SFSWAP: variants seen among roughly 807,000 people sequenced by gnomAD.
SFSWAP encodes splicing factor SWAP.
A neutral mutation model predicts 100.7 loss-of-function variants in SFSWAP; 17 were observed. The ratio of observed to expected loss-of-function variants is 0.17; its 90% confidence interval spans 0.12 to 0.25. The LOEUF (loss-of-function observed/expected upper bound fraction) is 0.25. SFSWAP is among the 10% of genes least tolerant of loss of function. The pLI is 1.00. For synonymous variants in SFSWAP, 504 were observed against 510.1 expected (o/e 0.99, Z 0.16); for missense variants, 1,005 against 1,262.6 (o/e 0.80, Z 3.09).
intron 7 of SFSWAP, among the ~76,000 whole-genome samples, chr12:131,741,718 C>G (rs1880659005): frequency 6.6e-6 from 1 of 151,830 alleles, no homozygotes; most frequent in Admixed American, 6.6e-5. Flanking sequence ...CTGCTGGACC[C>G]TGCCTCACAG....
rs561378481 is a variant in SFSWAP, at chr12:131,744,567, G to A, written c.1082-8556G>A. On this transcript the variant is annotated intron_variant, in intron 7 of 17. Coordinates refer to ENST00000261674, the MANE Select transcript of SFSWAP (RefSeq NM_004592.4). ...TCAGCATTTTGGGCAAAGCCATTCA[G>A]CAAATCTCTGGGAAGTTCCAAACTT... is the stretch of plus-strand genomic sequence containing the variant. 7.9e-5 allele frequency among the ~76,000 whole-genome samples: 12 copies of A among 152,312 alleles called. No homozygotes were observed. In the South Asian group the frequency reaches 1.7e-3, roughly 21 times the overall value.
intron 7 of SFSWAP, among the ~76,000 whole-genome samples, chr12:131,732,930 C>CG (rs2136196266): frequency 6.6e-6 from 1 of 152,268 alleles, no homozygotes; most frequent in African/African-American, 2.4e-5. Context: ...CCTGGGGCCC[C>CG]GTGGGGTCTG....
intron 13 of SFSWAP, among the ~76,000 whole-genome samples, chr12:131,771,274 C>T (rs902961934): frequency 1.3e-5 from 2 of 152,070 alleles, no homozygotes; most frequent in African/African-American, 2.4e-5. Flanking sequence ...ATTTAGTGAC[C>T]GAATGACTTT....
chr12:131,737,259 G>T (rs57442333), intron 7 of SFSWAP, among the ~76,000 whole-genome samples: 21,698 of 152,094 alleles, frequency 0.14, 2,121 homozygotes, highest in East Asian at 0.52. Context: ...CACGTCAGAA[G>T]GGGAGGGAAG....
At position 131,788,267 on chromosome 12, in the gene SFSWAP, A is replaced by G. The variant is rs908449295; in HGVS notation, c.2534+1679A>G. 2.6e-5 allele frequency among the ~76,000 whole-genome samples: 4 copies of G among 152,316 alleles called. No individual in the cohort carries two copies. In the South Asian group the frequency reaches 8.3e-4, roughly 32 times the overall value. ...GACGCCAGACTCGCGTGACCTGCTG[A>G]CATTCTCACCGAGCACTAACAGGTC... On this transcript the variant is annotated intron_variant, in intron 15 of 17. Transcript: ENST00000261674.
chr12:131,714,606 C>A lies in SFSWAP; in HGVS notation c.389-216C>A. ...TTTCTCAGCAGGAAGAAATTTTCCA[C>A]AAAAGACGTGTATTCAGCTGTCTGT... On this transcript the variant is annotated intron_variant, in intron 2 of 17. Coordinates refer to ENST00000261674, the MANE Select transcript of SFSWAP (RefSeq NM_004592.4). The surrounding 1 kb of genome is among the most constrained non-coding windows in gnomAD (Gnocchi z 6.0). 1.8e-6 allele frequency: 1 copy of A among 544,520 alleles called. No homozygotes were observed. 33.7% of individuals were successfully genotyped at this position (544,520 alleles called of 1,614,324 possible).
In SFSWAP at chr12:131,799,037, G is replaced by C. The variant is rs117785622; in HGVS notation, c.2718G>C (p.Arg906Ser). ...TCTGCTCTCTCTCTCTCTGCATTAG[G>C]GGAGTCTCTCAGGAAAAAGAAGCCC... Reference protein sequence around the residue: ...ESRGSSQERSRGVSQEKEAQI... With the variant: ...ESRGSSQERSSGVSQEKEAQI... The change falls in exon 17 of 18, where the codon AGG (arginine) becomes AGC (serine). Residue 906 changes from arginine (R) to serine (S), a missense_variant and splice_region_variant. Physicochemically the swap from Arg to Ser is moderately radical, Grantham distance 110. Around this residue, in one of 7 missense-constraint regions of SFSWAP, gnomAD observed 295 missense variants for 347.9 expected, o/e 0.85. Coordinates refer to ENST00000261674, the MANE Select transcript of SFSWAP (RefSeq NM_004592.4). The C allele has an allele frequency of 9.3e-6, 15 of 1,611,478 alleles. No homozygotes were observed. The highest frequency in any genetic ancestry group is 1.3e-5 in the Non-Finnish European group (15 of 1,177,718).
In SFSWAP at chr12:131,728,370, C is replaced by T. The variant is rs1317650343; in HGVS notation, c.1023C>T (p.Thr341=). ...CACAGGCTGACAGTTCCACTCCCAC[C>T]CCACACAACGCAGACGGTGCGCCTG... The part of the protein sequence containing the change: ...RKAQADSSTP[T]PHNADGAPVQ... The change falls in exon 7 of 18, where the codon ACC becomes ACT. Residue 341 remains threonine (T), a synonymous_variant. Transcript: ENST00000261674. The T allele has an allele frequency of 1.2e-6, 2 of 1,614,244 alleles. No homozygotes were observed. The highest frequency in any genetic ancestry group is 1.7e-6 in the Non-Finnish European group (2 of 1,180,040).
Position 131,794,778 on chromosome 12 carries a change from G to T in SFSWAP, c.2535-2400G>T, listed in dbSNP as rs776364269. Among the ~76,000 whole-genome samples the T allele has an allele frequency of 2.6e-5, 4 of 152,188 alleles. No individual in the cohort carries two copies. Among genetic ancestry groups the T allele is most frequent in the South Asian group, 2.1e-4 (1 of 4,826 alleles). On this transcript the variant is annotated intron_variant, in intron 15 of 17. Coordinates refer to ENST00000261674, the MANE Select transcript of SFSWAP (RefSeq NM_004592.4). The surrounding 1 kb of genome is among the most constrained non-coding windows in gnomAD (Gnocchi z 4.8). ...ACTTGCCAAGCTCAGCGGCAGCACC[G>T]AGGACAGCGTTTCACCCAATGGACA...
intron 15 of SFSWAP, among the ~76,000 whole-genome samples, chr12:131,795,417 T>C (rs1885561461): frequency 1.3e-5 from 2 of 152,206 alleles, no homozygotes; most frequent in Admixed American, 6.5e-5. Flanking sequence ...ATATCGGGGC[T>C]GTCCCTACCA....
At position 131,730,080 on chromosome 12, in the gene SFSWAP, G is replaced by A. The variant is rs1266394272; in HGVS notation, c.1081+1652G>A. On this transcript the variant is annotated intron_variant, in intron 7 of 17. Transcript: ENST00000261674. This position sits in a 1 kb window ranked among gnomAD's most constrained non-coding sequence, Gnocchi z 4.0. ...AGAGGTCAGCTCTACTGCTACAGAG[G>A]TGCGTGTTCAATAGTGTAGGCAGCC... is the stretch of plus-strand genomic sequence containing the variant. 6.6e-6 allele frequency among the ~76,000 whole-genome samples: 1 copy of A among 152,192 alleles called. No individual in the cohort carries two copies. Among genetic ancestry groups the A allele is most frequent in the Non-Finnish European group, 1.5e-5 (1 of 68,036 alleles).
At position 131,730,766 on chromosome 12, in the gene SFSWAP, T is replaced by C. The variant is rs1057378236; in HGVS notation, c.1081+2338T>C. 2.0e-5 allele frequency among the ~76,000 whole-genome samples: 3 copies of C among 152,190 alleles called. No homozygotes were observed. The highest frequency in any genetic ancestry group is 7.2e-5 in the African/African-American group (3 of 41,454). On this transcript the variant is annotated intron_variant, in intron 7 of 17. Transcript: ENST00000261674. This position sits in a 1 kb window ranked among gnomAD's most constrained non-coding sequence, Gnocchi z 4.0. Reference sequence around the variant, plus strand: ...CCCTGACTACCACCACCCTGGGCACTGACGGCACCCCACCCTATCCTCCCA... The same window carrying C: ...CCCTGACTACCACCACCCTGGGCACCGACGGCACCCCACCCTATCCTCCCA...
At position 131,764,812 on chromosome 12, in the gene SFSWAP, G is replaced by A. The variant is rs1009834850; in HGVS notation, c.1951+126G>A. On this transcript the variant is annotated intron_variant, in intron 12 of 17. Transcript: ENST00000261674. ...AAGCCTTTGGAAATCGACCTATTTG[G>A]GAGTTGTGTAACATGTCTGAGGTTT... 4 of 677,136 alleles carry A rather than the reference G, an allele frequency of 5.9e-6. No individual in the cohort carries two copies. In the Admixed American group the frequency reaches 1.1e-4, roughly 19 times the overall value. 41.9% of individuals were successfully genotyped at this position (677,136 alleles called of 1,614,324 possible).
chr12:131,720,689 G>A (rs890955004), intron 4 of SFSWAP, among the ~76,000 whole-genome samples: 4 of 152,162 alleles, frequency 2.6e-5, no homozygotes, highest in African/African-American at 4.8e-5. Flanking sequence ...TGAGTTCAGC[G>A]TGAATTTGAT....
At position 131,784,845 on chromosome 12, in the gene SFSWAP, C is replaced by G. The variant is rs1884775192; in HGVS notation, c.2409-1618C>G. ...AACAGCCACTTCCCTTTAAAGAATT[C>G]TATTACTAATAGCCATGACAAAATG... is the stretch of plus-strand genomic sequence containing the variant. On this transcript the variant is annotated intron_variant, in intron 14 of 17. Coordinates refer to ENST00000261674, the MANE Select transcript of SFSWAP (RefSeq NM_004592.4). The G allele has an allele frequency of 2.4e-5, 9 of 378,744 alleles. No homozygotes were observed. In the South Asian group the frequency reaches 7.3e-4, roughly 31 times the overall value. The allele number at this position is 378,744 out of a possible 1,614,324, so 23.5% of individuals were successfully genotyped here.
intron 7 of SFSWAP, among the ~76,000 whole-genome samples, chr12:131,752,184 A>G (rs1007135444): frequency 3.3e-5 from 5 of 152,172 alleles, no homozygotes; most frequent in East Asian, 1.9e-4. Flanking sequence ...CTGTTTTTCA[A>G]TGTTATTGTT....
chr12:131,729,220 C>G (rs983581981), intron 7 of SFSWAP, among the ~76,000 whole-genome samples: 5 of 152,162 alleles, frequency 3.3e-5, no homozygotes, highest in Non-Finnish European at 5.9e-5. Flanking sequence ...AGGTTCACAG[C>G]AGGCCAGGCG....
Position 131,726,969 on chromosome 12 carries a change from G to T in SFSWAP, c.862G>T (p.Asp288Tyr). ...AGGAGTCAGCTCTGACAATGAAGATGATGATGATGAAGAAGATGGGAATTA... is the reference window on the plus strand; with the variant it reads ...AGGAGTCAGCTCTGACAATGAAGATTATGATGATGAAGAAGATGGGAATTA... ...KSGVSSDNEDDDDEEDGNYLH... is the reference protein window; with the variant it reads ...KSGVSSDNEDYDDEEDGNYLH... The change falls in exon 6 of 18, where the codon GAT becomes TAT. Residue 288 changes from aspartate to tyrosine, a missense_variant. This residue lies in a region of SFSWAP where 54 missense variants were observed against 51.9 expected (regional missense o/e 1.04). Transcript: ENST00000261674. 6.2e-7 allele frequency: 1 copy of T among 1,605,450 alleles called. No homozygotes were observed. Among genetic ancestry groups the T allele is most frequent in the Non-Finnish European group, 8.5e-7 (1 of 1,174,660 alleles).
At chr12:131,732,540 C>G (rs1273912884) in intron 7 of SFSWAP, among the ~76,000 whole-genome samples, 1 of 152,244 alleles carries the variant, frequency 6.6e-6, no homozygotes, top group East Asian at 1.9e-4. Context: ...GCACACCCAG[C>G]CCTGCTCAGG....
Sources: gnomAD v4.1 joint callset for allele counts (sites outside exome capture counted in the v4.1 genomes callset) on GRCh38, gnomAD v4.1.1 for gene constraint, gnomAD v4.1.1 regional missense constraint, Gnocchi (gnomAD v3.1) non-coding constraint, MANE v1.5 for transcripts, NCBI Gene and HGNC (gene_info 2026-07-23, HGNC 2026-07-21) for gene names.